FBL: variants seen among roughly 807,000 people sequenced by gnomAD.
The protein encoded by FBL is rRNA 2'-O-methyltransferase fibrillarin.
In FBL, 10 loss-of-function variants were observed where a neutral mutation model predicts 42.2. That is an observed-to-expected ratio of 0.24 (90% confidence interval 0.15 to 0.40). The LOEUF is 0.40. FBL is among the 10% of genes least tolerant of loss of function. The pLI is 1.00. For synonymous variants in FBL, 165 were observed against 165.4 expected, an observed-to-expected ratio of 1.00 and a Z score of 0.02; for missense variants, 351 against 439.2, an observed-to-expected ratio of 0.80 and a Z score of 1.79.
intron 1 of FBL, among the ~76,000 whole-genome samples, chr19:39,842,952 G>T (rs967544305): frequency 4.6e-5 from 7 of 152,096 alleles, no homozygotes; most frequent in Non-Finnish European, 8.8e-5. Context: ...ACCACGTGCT[G>T]TTCCCACTGC....
In FBL at chr19:39,836,588, G is replaced by A. The variant is rs767731460; in HGVS notation, c.763C>T (p.Arg255Cys). 14 of 1,613,528 alleles carry A rather than the reference G, an allele frequency of 8.7e-6. No individual in the cohort carries two copies. The highest frequency in any genetic ancestry group is 4.4e-5 in the South Asian group (4 of 91,072). The change falls in exon 7 of 9, where the codon CGT (arginine) becomes TGT (cysteine). Residue 255 changes from arginine (R) to cysteine (C), a missense_variant. Transcript: ENST00000221801. The part of the protein sequence containing the change: ...IVALNAHTFL[R>C]NGGHFVISIK... ...GAAATCACAAAGTGTCCTCCATTAC[G>A]CAGGAAGGTGTGGGCATTCAGGGCC... is the stretch of plus-strand genomic sequence containing the variant.
chr19:39,842,356 G>C (rs1475890476), intron 1 of FBL, among the ~76,000 whole-genome samples: 1 of 152,198 alleles, frequency 6.6e-6, no homozygotes, highest in Non-Finnish European at 1.5e-5. Context: ...AAAGTGCTGG[G>C]ATTACAGGCG....
At chr19:39,835,256 C>T (rs1969015538) in intron 7 of FBL, among the ~76,000 whole-genome samples, 1 of 152,224 alleles carries the variant, frequency 6.6e-6, no homozygotes, top group Admixed American at 6.5e-5. Flanking sequence ...CGTGGTGGCT[C>T]ACGCCTGTAA....
chr19:39,835,943 AGTTTTT>A (rs1749562611), intron 7 of FBL, among the ~76,000 whole-genome samples: 1 of 151,854 alleles, frequency 6.6e-6, no homozygotes, highest in Non-Finnish European at 1.5e-5. Flanking sequence ...AAAAAAAAAA[AGTTTTT>A]AGTTTTGTTT....
chr19:39,840,187 C>T lies in FBL; in HGVS notation c.378+46G>A, dbSNP rs1969131741. On this transcript the variant is annotated intron_variant, in intron 4 of 8. Coordinates refer to ENST00000221801, the MANE Select transcript of FBL (RefSeq NM_001436.4). This position sits in a 1 kb window ranked among gnomAD's most constrained non-coding sequence, Gnocchi z 4.5. Reference sequence around the variant, plus strand: ...GGGCAGACACAGACTACTGGCTACACCCTCAGCTGCGACCCTGGTGGCTTG... The same window carrying T: ...GGGCAGACACAGACTACTGGCTACATCCTCAGCTGCGACCCTGGTGGCTTG... 1 of 1,362,374 alleles carries T rather than the reference C, an allele frequency of 7.3e-7. No individual in the cohort carries two copies. Among genetic ancestry groups the T allele is most frequent in the South Asian group, 1.2e-5 (1 of 85,820 alleles). 84.4% of individuals were successfully genotyped at this position (1,362,374 alleles called of 1,614,324 possible). A position where few individuals can be genotyped will look rare whatever the true frequency, so the allele number is the denominator to read the frequency against.
At chr19:39,843,998 T>C (rs1969212201) in intron 1 of FBL, among the ~76,000 whole-genome samples, 1 of 152,030 alleles carries the variant, frequency 6.6e-6, no homozygotes, top group Admixed American at 6.5e-5. Context: ...TTTTTTCATC[T>C]TTCTATTAAA....
At chr19:39,843,608 A>C (rs1186426810) in intron 1 of FBL, among the ~76,000 whole-genome samples, 1 of 152,176 alleles carries the variant, frequency 6.6e-6, no homozygotes, top group Non-Finnish European at 1.5e-5. Context: ...TGTCTCTACT[A>C]AAAATACAAA....
intron 1 of FBL, among the ~76,000 whole-genome samples, chr19:39,843,775 T>C (rs966670468): frequency 8.6e-5 from 13 of 151,930 alleles, no homozygotes; most frequent in African/African-American, 3.1e-4. Context: ...ATCAAAAAAA[T>C]AAAAATAAAA....
chr19:39,845,578 T>C (rs1288355730), intron 1 of FBL, among the ~76,000 whole-genome samples: 2 of 152,146 alleles, frequency 1.3e-5, no homozygotes, highest in Non-Finnish European at 2.9e-5. Context: ...GTGGAAAATC[T>C]TAAGAATAAA....
Position 39,837,626 on chromosome 19 carries a change from C to T in FBL, c.682+85G>A, listed in dbSNP as rs1040761835. 1.0e-5 allele frequency: 13 copies of T among 1,271,866 alleles called. No individual in the cohort carries two copies. The African/African-American group carries it at 1.9e-4, about 18-fold the overall frequency. The allele number at this position is 1,271,866 out of a possible 1,614,324, so 78.8% of individuals were successfully genotyped here. On this transcript the variant is annotated intron_variant, in intron 6 of 8. Transcript: ENST00000221801. ...GAGGTCTGCTCATCCACTCCAACTC[C>T]ATCCGAATCAGAGATCCACTGGCTT...
rs78228286 is a variant in FBL at position 39,845,905 on chromosome 19, C to T, written c.10+386G>A. 1.1e-4 allele frequency among the ~76,000 whole-genome samples: 16 copies of T among 152,314 alleles called. No homozygotes were observed. In the East Asian group the frequency reaches 3.1e-3, roughly 29 times the overall value. On this transcript the variant is annotated intron_variant, in intron 1 of 8. Transcript: ENST00000221801. Reference sequence around the variant, plus strand: ...CCAGGACCCAAGGTCAGGAACTCTCCATCTCCGACCCAAGCCTGATTCCCA... The same window carrying T: ...CCAGGACCCAAGGTCAGGAACTCTCTATCTCCGACCCAAGCCTGATTCCCA...
chr19:39,836,139 G>C (rs1190024799), intron 7 of FBL, among the ~76,000 whole-genome samples: 2 of 151,664 alleles, frequency 1.3e-5, no homozygotes, highest in Non-Finnish European at 2.9e-5. Flanking sequence ...CTTGTGAAGG[G>C]TGCATGGGAG....
At chr19:39,841,609 T>G (rs1969165926) in intron 1 of FBL, among the ~76,000 whole-genome samples, 1 of 152,120 alleles carries the variant, frequency 6.6e-6, no homozygotes, top group Non-Finnish European at 1.5e-5. Context: ...CCCCCTAGAC[T>G]CTGCAAACGT....
rs79600376 is a variant in FBL at position 39,839,234 on chromosome 19, T to C, written c.379-29A>G. 2,519 of 1,575,044 alleles carry C rather than the reference T, an allele frequency of 1.6e-3. 31 individuals are homozygous for C. The African/African-American group carries it at 0.029, about 18-fold the overall frequency. On this transcript the variant is annotated intron_variant, in intron 4 of 8. Coordinates refer to ENST00000221801, the MANE Select transcript of FBL (RefSeq NM_001436.4). Reference sequence around the variant, plus strand: ...GATGAGAGATGGGGACAGAAGTCAGTGCTAGGCTCTTCTGCAGGACCTCAC... The same window carrying C: ...GATGAGAGATGGGGACAGAAGTCAGCGCTAGGCTCTTCTGCAGGACCTCAC...
intron 1 of FBL, among the ~76,000 whole-genome samples, chr19:39,846,007 C>T (rs1969255822): frequency 6.6e-6 from 1 of 152,200 alleles, no homozygotes; most frequent in African/African-American, 2.4e-5. Context: ...CCGCCTCCTG[C>T]CCAATATCCA....
chr19:39,840,269 C>T lies in FBL; in HGVS notation c.342G>A (p.Gly114=), dbSNP rs929301261. Residue 114 remains glycine (G), a synonymous_variant, in exon 4 of 9, where the codon GGG becomes GGA. Coordinates refer to ENST00000221801, the MANE Select transcript of FBL (RefSeq NM_001436.4). This position sits in a 1 kb window ranked among gnomAD's most constrained non-coding sequence, Gnocchi z 4.5. Reference sequence around the variant, plus strand: ...CTCTCTTCTCTCCATAAACTGATTCCCCAGGGACCAGGTTCTTGGTGACCA... The same window carrying T: ...CTCTCTTCTCTCCATAAACTGATTCTCCAGGGACCAGGTTCTTGGTGACCA... The part of the protein sequence containing the change: ...DALVTKNLVP[G]ESVYGEKRVS... The T allele has an allele frequency of 1.9e-6, 3 of 1,613,964 alleles. No homozygotes were observed. The highest frequency in any genetic ancestry group is 3.3e-4 in the Middle Eastern group (2 of 6,080).
intron 5 of FBL, 197 bp from the exon 6 acceptor site, chr19:39,838,040 T>A (rs1969083970): frequency 1.9e-6 from 1 of 530,642 alleles, no homozygotes; most frequent in South Asian, 2.3e-5. Context: ...CCAAGAGTTA[T>A]TCAGCAAGTA....
chr19:39,841,842 C>T (rs1178294247), intron 1 of FBL, among the ~76,000 whole-genome samples: 1 of 152,162 alleles, frequency 6.6e-6, no homozygotes, highest in Non-Finnish European at 1.5e-5. Flanking sequence ...TCAGTAAGAT[C>T]GAAATGTTTA....
At chr19:39,838,884 C>CA (rs1969102974) in intron 5 of FBL, 151 bp downstream of exon 5, 1 of 702,184 alleles carries the variant, frequency 1.4e-6, no homozygotes, top group African/African-American at 1.8e-5. Flanking sequence ...TTATCTGGTT[C>CA]AAGCCACTCC....
Sources: allele counts gnomAD v4.1 joint callset (sites outside exome capture counted in the v4.1 genomes callset), GRCh38; gene constraint gnomAD v4.1.1; non-coding constraint Gnocchi (gnomAD v3.1); transcripts MANE v1.5; gene names NCBI Gene and HGNC (gene_info 2026-07-23, HGNC 2026-07-21).